Variants in NCOA3 observed in about 807,000 individuals in gnomAD.
NCOA3 encodes CBP-interacting protein.
NCOA3 carries 51 observed loss-of-function variants against 158.8 expected under a neutral mutation model. That is an observed-to-expected ratio of 0.32 (90% CI 0.26 to 0.41). NCOA3 has a LOEUF of 0.41. NCOA3 is among the 10% of genes least tolerant of loss of function. The pLI, the probability that NCOA3 is intolerant of heterozygous loss-of-function variation, is 1.00. For missense variants in NCOA3, 1,510 were observed against 1,746.6 expected (o/e 0.86, Z 2.41); for synonymous variants, 537 against 592.4 (o/e 0.91, Z 1.36).
intron 2 of NCOA3, among the ~76,000 whole-genome samples, chr20:47,584,720 T>C (rs1399177733): frequency 1.4e-5 from 2 of 142,178 alleles, no homozygotes; most frequent in Non-Finnish European, 3.0e-5. Flanking sequence ...TTGAGTAGGC[T>C]TGAGGAGGAG....
At chr20:47,638,979 G>A (rs768484108) in intron 13 of NCOA3, 29 bp from the exon 14 acceptor site, 14 of 1,532,266 alleles carry the variant, frequency 9.1e-6, no homozygotes, top group Non-Finnish European at 1.1e-5. Context: ...AAATCACGAA[G>A]AAATGTTTTT....
intron 2 of NCOA3, among the ~76,000 whole-genome samples, chr20:47,614,450 G>A (rs1296604278): frequency 6.6e-6 from 1 of 152,152 alleles, no homozygotes. Context: ...TAATAAACCA[G>A]TTCAGATCCA....
chr20:47,593,462 C>T (rs1206303544), intron 2 of NCOA3, among the ~76,000 whole-genome samples: 1 of 150,954 alleles, frequency 6.6e-6, no homozygotes, highest in African/African-American at 2.4e-5. Context: ...CTGCCTCAGC[C>T]TCCGGAGTAG....
At chr20:47,567,447 G>C (rs934349591) in intron 1 of NCOA3, among the ~76,000 whole-genome samples, 2 of 151,688 alleles carry the variant, frequency 1.3e-5, no homozygotes, top group African/African-American at 2.4e-5. Flanking sequence ...GCCCAGGCTA[G>C]AGTGCAGTGC....
intron 1 of NCOA3, among the ~76,000 whole-genome samples, chr20:47,574,396 A>G (rs2085341085): frequency 6.6e-6 from 1 of 152,158 alleles, no homozygotes; most frequent in Non-Finnish European, 1.5e-5. Flanking sequence ...CAGAGTAATT[A>G]CTATGGTTTC....
intron 1 of NCOA3, among the ~76,000 whole-genome samples, chr20:47,525,921 G>A (rs867271236): frequency 1.7e-3 from 248 of 149,322 alleles, no homozygotes; most frequent in African/African-American, 5.8e-3. Context: ...CGGATGGGGC[G>A]GCTGGCCGGG....
intron 1 of NCOA3, among the ~76,000 whole-genome samples, chr20:47,523,017 C>T (rs2084370874): frequency 6.6e-6 from 1 of 151,998 alleles, no homozygotes; most frequent in South Asian, 2.1e-4. Context: ...AGTGAAACCC[C>T]GTCTCTACTA....
In NCOA3 at chr20:47,501,895, C is replaced by A; in HGVS notation, c.-223C>A. 1 of 399,122 alleles carries A rather than the reference C, an allele frequency of 2.5e-6. No homozygotes were observed. The highest frequency in any genetic ancestry group is 1.3e-4 in the South Asian group (1 of 7,872). 24.7% of individuals were successfully genotyped at this position (399,122 alleles called of 1,614,324 possible). A position where few individuals can be genotyped will look rare whatever the true frequency, so the allele number is the denominator to read the frequency against. ...CCCCGTGCGGCGACTTTAGCTGCTG[C>A]TGTCTCAGCCGCTCCACAGCGACGG... On this transcript the variant is annotated 5_prime_UTR_variant, in exon 1 of 23. In the 5' UTR this introduces an upstream ATG that the reference lacks. Coordinates refer to ENST00000371998, the MANE Select transcript of NCOA3 (RefSeq NM_181659.3).
chr20:47,645,504 A>G (rs1049133097), intron 17 of NCOA3, among the ~76,000 whole-genome samples: 1 of 152,070 alleles, frequency 6.6e-6, no homozygotes, highest in Non-Finnish European at 1.5e-5. Context: ...TTCACTTTGT[A>G]TCTTCTATTA....
chr20:47,603,864 A>T (rs1258415947), intron 2 of NCOA3, among the ~76,000 whole-genome samples: 1 of 152,018 alleles, frequency 6.6e-6, no homozygotes, highest in African/African-American at 2.4e-5. Flanking sequence ...ATATGGGTAC[A>T]GGATATGGGG....
intron 2 of NCOA3, among the ~76,000 whole-genome samples, chr20:47,614,933 AT>A (rs1269220021): frequency 6.6e-6 from 1 of 152,120 alleles, no homozygotes; most frequent in Non-Finnish European, 1.5e-5. Context: ...AAGCTGAGAA[AT>A]TTTCTGGCTA....
intron 1 of NCOA3, among the ~76,000 whole-genome samples, chr20:47,520,750 C>T (rs910797882): frequency 6.6e-6 from 1 of 152,184 alleles, no homozygotes; most frequent in Non-Finnish European, 1.5e-5. Context: ...CCTGTTTCCT[C>T]CCTTTCCCCC....
intron 10 of NCOA3, among the ~76,000 whole-genome samples, 184 bp downstream of exon 10, chr20:47,634,379 A>G (rs1357391735): frequency 6.6e-6 from 1 of 152,172 alleles, no homozygotes; most frequent in African/African-American, 2.4e-5. Flanking sequence ...TGTGAAAGTG[A>G]TTATTTATTA....
chr20:47,567,012 C>CTATGTATGTATGTATGTATT (rs1555805239), intron 1 of NCOA3, among the ~76,000 whole-genome samples: 1 of 145,346 alleles, frequency 6.9e-6, no homozygotes, highest in Non-Finnish European at 1.5e-5. Context: ...TGGTATAGTA[C>CTATGTATGTATGTATGTATT]TATGTATGTA....
At chr20:47,526,488 C>T (rs1390466317) in intron 1 of NCOA3, among the ~76,000 whole-genome samples, 6 of 151,756 alleles carry the variant, frequency 4.0e-5, no homozygotes, top group South Asian at 2.1e-4. Context: ...ACTGAGTGAA[C>T]GAGACTCCGT....
At chr20:47,612,528 C>CT (rs2086061688) in intron 2 of NCOA3, among the ~76,000 whole-genome samples, 1 of 151,946 alleles carries the variant, frequency 6.6e-6, no homozygotes, top group Non-Finnish European at 1.5e-5. Context: ...AAATTAGTGA[C>CT]TTAAGGTTAA....
intron 1 of NCOA3, among the ~76,000 whole-genome samples, chr20:47,553,619 A>G (rs9305099): frequency 0.057 from 7,780 of 137,020 alleles, 250 homozygotes; most frequent in Middle Eastern, 0.092. Context: ...TCATTGTTCA[A>G]TTCCCACCTA....
At chr20:47,511,251 C>A (rs79475070) in intron 1 of NCOA3, among the ~76,000 whole-genome samples, 1 of 128,838 alleles carries the variant, frequency 7.8e-6, no homozygotes, top group Non-Finnish European at 1.7e-5. Context: ...TTCTTTCTTT[C>A]TTTTTTTTTT....
At chr20:47,532,107 G>C (rs1372227424) in intron 1 of NCOA3, among the ~76,000 whole-genome samples, 1 of 64,172 alleles carries the variant, frequency 1.6e-5, no homozygotes, top group East Asian at 4.8e-4. Flanking sequence ...TGTAGGGGGG[G>C]ACTTGTGTGT....
Sources: allele counts gnomAD v4.1 joint callset (sites outside exome capture counted in the v4.1 genomes callset), GRCh38; gene constraint gnomAD v4.1.1; transcripts MANE v1.5; gene names NCBI Gene and HGNC (gene_info 2026-07-23, HGNC 2026-07-21).